NRXN1: variants seen among roughly 807,000 people sequenced by gnomAD.
NRXN1 encodes neurexin-1.
In NRXN1, 39 loss-of-function variants were observed where a neutral mutation model predicts 150.9. The observed-to-expected ratio is 0.26, with a 90% CI of 0.20 to 0.34. The LOEUF (loss-of-function observed/expected upper bound fraction) is 0.34, where lower values mean the gene tolerates loss of function less well. Ranked by LOEUF, NRXN1 falls within the 10% of genes least tolerant of loss-of-function variation. The pLI, the probability that NRXN1 is intolerant of heterozygous loss-of-function variation, is 1.00. For missense variants in NRXN1, 1,815 were observed against 1,949.9 expected (o/e 0.93, Z 1.30); for synonymous variants, 924 against 757.0 (o/e 1.22, Z -3.62).
At chr2:50,887,507 A>C (rs1485560622) in intron 5 of NRXN1, among the ~76,000 whole-genome samples, 5 of 151,500 alleles carry the variant, frequency 3.3e-5, no homozygotes, top group African/African-American at 9.6e-5. Flanking sequence ...GAAACGCAAG[A>C]AGCTTTGAGA....
chr2:50,731,192 A>C (rs1032866545), intron 5 of NRXN1, among the ~76,000 whole-genome samples: 6 of 152,200 alleles, frequency 3.9e-5, no homozygotes, highest in Admixed American at 3.3e-4. Context: ...AATACATATT[A>C]TTCTTCTTCT....
At chr2:50,295,959 GAGCA>G (rs2073511592) in intron 17 of NRXN1, among the ~76,000 whole-genome samples, 1 of 152,130 alleles carries the variant, frequency 6.6e-6, no homozygotes, top group South Asian at 2.1e-4. Context: ...TTTTTGAATA[GAGCA>G]GCACCTTTAA....
At chr2:50,986,996 A>G (rs553150664) in intron 2 of NRXN1, among the ~76,000 whole-genome samples, 1 of 152,016 alleles carries the variant, frequency 6.6e-6, no homozygotes, top group South Asian at 2.1e-4. Context: ...TTTCCATTTC[A>G]CAATACATTT....
At chr2:50,131,207 G>C (rs186378144) in intron 18 of NRXN1, among the ~76,000 whole-genome samples, 58 of 152,240 alleles carry the variant, frequency 3.8e-4, no homozygotes, top group African/African-American at 1.3e-3. Context: ...TAATCTTCAA[G>C]AGAATAATAT....
intron 21 of NRXN1, among the ~76,000 whole-genome samples, chr2:49,956,504 A>AT (rs200768196): frequency 3.2e-3 from 492 of 152,016 alleles, no homozygotes; most frequent in African/African-American, 0.011. Flanking sequence ...CTTTGATTTC[A>AT]TTTTTTTCAT....
intron 5 of NRXN1, among the ~76,000 whole-genome samples, chr2:50,628,855 T>C (rs1225368484): frequency 6.6e-6 from 1 of 150,812 alleles, no homozygotes; most frequent in Non-Finnish European, 1.5e-5. Context: ...CACAAGCCAA[T>C]GGGAAAAAAA....
rs140619644 is a variant in NRXN1 at position 49,987,406 on chromosome 2, T to C, written c.4129-43615A>G. 2.3e-4 allele frequency among the ~76,000 whole-genome samples: 35 copies of C among 152,328 alleles called. No homozygotes were observed. In the East Asian group the frequency reaches 5.8e-3, roughly 25 times the overall value. On this transcript the variant is annotated intron_variant, in intron 21 of 22. Transcript: ENST00000401669. ...GAAACACTGCTCTGTTTTTATAATA[T>C]TTAGAGCATATATTATTTATTATTT...
At chr2:50,173,448 C>A (rs77689222) in intron 18 of NRXN1, among the ~76,000 whole-genome samples, 25,876 of 152,108 alleles carry the variant, frequency 0.17, 2,679 homozygotes, top group East Asian at 0.4. Flanking sequence ...AGACTCCTAA[C>A]TGGATTTTGA....
At chr2:50,470,242 T>C (rs954230351) in intron 16 of NRXN1, among the ~76,000 whole-genome samples, 16 of 151,826 alleles carry the variant, frequency 1.1e-4, no homozygotes, top group Non-Finnish European at 1.5e-4. Context: ...AGAATTATTA[T>C]GTTGTATCAC....
intron 17 of NRXN1, among the ~76,000 whole-genome samples, chr2:50,248,343 G>A (rs1407010423): frequency 6.6e-6 from 1 of 152,084 alleles, no homozygotes; most frequent in Admixed American, 6.6e-5. Flanking sequence ...CTTGGCCATG[G>A]GAATTTATGC....
chr2:50,565,317 C>T (rs1049862128), intron 8 of NRXN1, among the ~76,000 whole-genome samples: 5 of 151,808 alleles, frequency 3.3e-5, no homozygotes, highest in East Asian at 1.9e-4. Flanking sequence ...CATGTAATTT[C>T]GCACGTCTTT....
intron 2 of NRXN1, among the ~76,000 whole-genome samples, chr2:50,962,407 A>G (rs1000943505): frequency 1.3e-5 from 2 of 151,686 alleles, no homozygotes; most frequent in Non-Finnish European, 3.0e-5. Flanking sequence ...GAACAATCCA[A>G]TGATAGGTAT....
intron 2 of NRXN1, among the ~76,000 whole-genome samples, chr2:51,002,295 C>G (rs901755252): frequency 6.6e-6 from 1 of 151,882 alleles, no homozygotes; most frequent in African/African-American, 2.4e-5. Context: ...TGTTCTCTGA[C>G]ACAATACACT....
chr2:50,059,662 T>C (rs1185672323), intron 19 of NRXN1, among the ~76,000 whole-genome samples: 4 of 151,936 alleles, frequency 2.6e-5, no homozygotes, highest in African/African-American at 9.7e-5. Flanking sequence ...GAAAAAATGT[T>C]TTTGTGGGCT....
intron 18 of NRXN1, among the ~76,000 whole-genome samples, chr2:50,177,347 G>A (rs1295074992): frequency 1.3e-5 from 2 of 151,950 alleles, no homozygotes; most frequent in African/African-American, 2.4e-5. Flanking sequence ...GTTAATAGTT[G>A]TTTTATTACA....
chr2:49,976,157 G>A (rs886286326), intron 21 of NRXN1, among the ~76,000 whole-genome samples: 10 of 151,084 alleles, frequency 6.6e-5, no homozygotes, highest in Non-Finnish European at 1.5e-4. Flanking sequence ...TGAGTAGATG[G>A]GATTACAGGA....
intron 9 of NRXN1, among the ~76,000 whole-genome samples, chr2:50,542,061 C>G (rs1426111308): frequency 6.6e-6 from 1 of 152,098 alleles, no homozygotes; most frequent in Admixed American, 6.5e-5. Flanking sequence ...GCGGGTGGAT[C>G]ACCTGAGGTC....
chr2:50,450,641 C>T (rs1667432281), intron 17 of NRXN1, among the ~76,000 whole-genome samples: 1 of 152,124 alleles, frequency 6.6e-6, no homozygotes, highest in Non-Finnish European at 1.5e-5. Context: ...AGTGGAACTA[C>T]ACACAAGGCC....
chr2:50,099,886 G>A (rs533399443), intron 18 of NRXN1, among the ~76,000 whole-genome samples: 110 of 152,198 alleles, frequency 7.2e-4, no homozygotes, highest in Non-Finnish European at 1.1e-3. Flanking sequence ...TGGTTCTCCC[G>A]TTGATTATGC....
Sources: gnomAD v4.1 joint callset for allele counts (sites outside exome capture counted in the v4.1 genomes callset) on GRCh38, gnomAD v4.1.1 for gene constraint, MANE v1.5 for transcripts, NCBI Gene and HGNC (gene_info 2026-07-23, HGNC 2026-07-21) for gene names.